Variants in WWOX observed in about 807,000 individuals in gnomAD.
WWOX encodes the protein WW domain containing oxidoreductase.
Under a neutral mutation model 46.2 loss-of-function variants are expected in WWOX, and 69 were observed. That is an observed-to-expected ratio of 1.49 (90% confidence interval 1.23 to 1.82). The LOEUF is 1.82. Among genes scored for constraint, WWOX ranks in the 40% most tolerant of loss-of-function variants. The pLI is 0.00. For synonymous variants in WWOX, 359 were observed against 202.6 expected, an observed-to-expected ratio of 1.77 and a Z score of -6.56; for missense variants, 919 against 542.6, an observed-to-expected ratio of 1.69 and a Z score of -6.89.
intron 8 of WWOX, among the ~76,000 whole-genome samples, chr16:78,786,501 A>G (rs1364438797): frequency 6.6e-6 from 1 of 152,152 alleles, no homozygotes; most frequent in Non-Finnish European, 1.5e-5. Context: ...TTTTAGTATG[A>G]TTTATTTAAT....
chr16:78,787,627 T>G (rs2050490559), intron 8 of WWOX, among the ~76,000 whole-genome samples: 1 of 152,208 alleles, frequency 6.6e-6, no homozygotes, highest in African/African-American at 2.4e-5. Flanking sequence ...TGATCATACA[T>G]GTACTGTTTT....
chr16:78,354,260 A>C (rs1264767283), intron 5 of WWOX, among the ~76,000 whole-genome samples: 2 of 144,940 alleles, frequency 1.4e-5, no homozygotes, highest in African/African-American at 5.1e-5. Context: ...TAAAGGGATT[A>C]ATCTCTTTTT....
chr16:79,130,807 C>A (rs2049861974), intron 8 of WWOX, among the ~76,000 whole-genome samples: 1 of 152,160 alleles, frequency 6.6e-6, no homozygotes, highest in African/African-American at 2.4e-5. Flanking sequence ...CATATGCTCC[C>A]CAGCAGTTCT....
At chr16:78,745,307 T>A (rs1325874739) in intron 8 of WWOX, among the ~76,000 whole-genome samples, 1 of 152,166 alleles carries the variant, frequency 6.6e-6, no homozygotes, top group African/African-American at 2.4e-5. Context: ...CCCGCCTTCC[T>A]CCACCTCTGC....
In WWOX at chr16:78,336,114, C is replaced by A. The variant is rs28734139; in HGVS notation, c.517-50746C>A. On this transcript the variant is annotated intron_variant, in intron 5 of 8. Coordinates refer to ENST00000566780, the MANE Select transcript of WWOX (RefSeq NM_016373.4). ...CTCAAAAAACGAAAAACAAAAAAAA[C>A]CAAAAGACTAAATGTATAAAAGGTA... Among the ~76,000 whole-genome samples, 28 of 151,552 alleles carry A rather than the reference C, an allele frequency of 1.8e-4. 1 individual carries two copies. Among genetic ancestry groups the A allele is most frequent in the African/African-American group, 2.7e-4 (11 of 41,316 alleles).
chr16:78,760,222 A>C (rs2049757688), intron 8 of WWOX, among the ~76,000 whole-genome samples: 1 of 152,162 alleles, frequency 6.6e-6, no homozygotes, highest in African/African-American at 2.4e-5. Context: ...CGTTATAAAA[A>C]CATTAGATCT....
At chr16:79,069,527 G>T (rs1749987157) in intron 8 of WWOX, among the ~76,000 whole-genome samples, 1 of 150,738 alleles carries the variant, frequency 6.6e-6, no homozygotes, top group Non-Finnish European at 1.5e-5. Flanking sequence ...GGCAGGAAAA[G>T]GGTCACATAA....
At chr16:79,200,278 C>T (rs1375688426) in intron 8 of WWOX, among the ~76,000 whole-genome samples, 5 of 152,086 alleles carry the variant, frequency 3.3e-5, no homozygotes, top group African/African-American at 9.7e-5. Context: ...GCCTTGGCCA[C>T]CAGAGGGATC....
chr16:78,186,238 A>G (rs370009715), intron 5 of WWOX, among the ~76,000 whole-genome samples: 2 of 143,598 alleles, frequency 1.4e-5, no homozygotes, highest in African/African-American at 5.3e-5. Flanking sequence ...GTTTCTTTTT[A>G]CCTTTTTTTT....
chr16:79,030,685 G>C (rs886294696), intron 8 of WWOX, among the ~76,000 whole-genome samples: 1 of 152,114 alleles, frequency 6.6e-6, no homozygotes, highest in African/African-American at 2.4e-5. Context: ...GAAATCTTGG[G>C]CTCACCGCTG....
intron 8 of WWOX, among the ~76,000 whole-genome samples, chr16:78,608,982 C>T (rs189418862): frequency 2.0e-3 from 307 of 152,212 alleles, no homozygotes; most frequent in Non-Finnish European, 3.4e-3. Flanking sequence ...TCTAGCATGT[C>T]TGGGGAGCAT....
chr16:78,263,636 AG>A (rs1806053848), intron 5 of WWOX, among the ~76,000 whole-genome samples: 1 of 150,942 alleles, frequency 6.6e-6, no homozygotes, highest in Non-Finnish European at 1.5e-5. Flanking sequence ...AGAGAGAGAG[AG>A]AAAGAAAAGA....
At chr16:78,487,948 T>G (rs974270477) in intron 8 of WWOX, among the ~76,000 whole-genome samples, 1 of 152,184 alleles carries the variant, frequency 6.6e-6, no homozygotes, top group Non-Finnish European at 1.5e-5. Context: ...ATTTCTACCC[T>G]AGGATCATTA....
chr16:78,779,601 C>T (rs992774035), intron 8 of WWOX, among the ~76,000 whole-genome samples: 1 of 152,136 alleles, frequency 6.6e-6, no homozygotes, highest in African/African-American at 2.4e-5. Context: ...GAGTATATTA[C>T]CCACTTCATT....
chr16:78,984,472 A>G (rs1217951268), intron 8 of WWOX, among the ~76,000 whole-genome samples: 1 of 152,220 alleles, frequency 6.6e-6, no homozygotes, highest in African/African-American at 2.4e-5. Flanking sequence ...CAGTAAGTGA[A>G]TGGATGGGTG....
intron 5 of WWOX, among the ~76,000 whole-genome samples, chr16:78,334,113 C>T (rs1309720736): frequency 6.6e-6 from 1 of 152,162 alleles, no homozygotes; most frequent in African/African-American, 2.4e-5. Context: ...TTTACTCACA[C>T]TATAAAAACA....
intron 5 of WWOX, among the ~76,000 whole-genome samples, chr16:78,326,581 C>G (rs34949304): frequency 9.5e-5 from 9 of 94,264 alleles, no homozygotes; most frequent in East Asian, 7.7e-4. Context: ...CCCCCCGCCC[C>G]CCCCCCCCGC....
intron 5 of WWOX, among the ~76,000 whole-genome samples, chr16:78,238,663 A>G (rs1348551503): frequency 6.6e-6 from 1 of 152,118 alleles, no homozygotes; most frequent in African/African-American, 2.4e-5. Flanking sequence ...CTTGTTGCCC[A>G]GGCTGGAGTG....
chr16:79,025,243 C>T (rs548040692), intron 8 of WWOX, among the ~76,000 whole-genome samples: 1 of 152,120 alleles, frequency 6.6e-6, no homozygotes, highest in Non-Finnish European at 1.5e-5. Flanking sequence ...GAGGCTCTTG[C>T]AGTTATCTGG....
Sources: allele counts gnomAD v4.1 joint callset (sites outside exome capture counted in the v4.1 genomes callset), GRCh38; gene constraint gnomAD v4.1.1; transcripts MANE v1.5; gene names NCBI Gene and HGNC (gene_info 2026-07-23, HGNC 2026-07-21).